RBFOX1: variants seen among roughly 807,000 people sequenced by gnomAD.
The protein encoded by RBFOX1 is RNA binding protein fox-1 homolog 1.
A neutral mutation model predicts 57.7 loss-of-function variants in RBFOX1; 8 were observed. That is an observed-to-expected ratio of 0.14 (90% CI 0.08 to 0.25). The LOEUF is 0.25. Ranked by LOEUF, RBFOX1 falls within the 10% of genes least tolerant of loss-of-function variation. RBFOX1 has a pLI of 1.00. For synonymous variants in RBFOX1, 326 were observed against 222.4 expected, an observed-to-expected ratio of 1.47 and a Z score of -4.15; for missense variants, 611 against 548.5, an observed-to-expected ratio of 1.11 and a Z score of -1.14.
chr16:5,785,100 C>T (rs977010246), intron 3 of RBFOX1, among the ~76,000 whole-genome samples: 1 of 152,144 alleles, frequency 6.6e-6, no homozygotes, highest in Admixed American at 6.5e-5. Flanking sequence ...AGGCATGCAA[C>T]TTTTACCTTC....
chr16:7,296,934 A>T (rs888999087), intron 4 of RBFOX1, among the ~76,000 whole-genome samples: 1 of 152,158 alleles, frequency 6.6e-6, no homozygotes, highest in Non-Finnish European at 1.5e-5. Flanking sequence ...TGTGAGCAGT[A>T]TAGGTATGTG....
At chr16:6,670,422 G>C (rs573863386) in intron 3 of RBFOX1, among the ~76,000 whole-genome samples, 1 of 151,966 alleles carries the variant, frequency 6.6e-6, no homozygotes, top group Non-Finnish European at 1.5e-5. Context: ...CATGTTGATT[G>C]AATTCACCAA....
chr16:7,066,581 A>T (rs1012131493), intron 4 of RBFOX1, among the ~76,000 whole-genome samples: 1 of 152,162 alleles, frequency 6.6e-6, no homozygotes, highest in African/African-American at 2.4e-5. Context: ...TTTAACATCT[A>T]CCTTCTTGAC....
intron 1 of RBFOX1, among the ~76,000 whole-genome samples, chr16:6,070,138 G>A (rs1276961128): frequency 6.6e-6 from 1 of 152,146 alleles, no homozygotes; most frequent in Non-Finnish European, 1.5e-5. Context: ...GATTTGACTA[G>A]TAATAATATG....
chr16:7,451,103 G>T (rs1428791591), intron 4 of RBFOX1, among the ~76,000 whole-genome samples: 1 of 152,176 alleles, frequency 6.6e-6, no homozygotes, highest in Non-Finnish European at 1.5e-5. Context: ...CAGGCTGAGG[G>T]TTAAGGCTCT....
At chr16:6,605,016 T>C (rs893771422) in intron 2 of RBFOX1, among the ~76,000 whole-genome samples, 3 of 152,006 alleles carry the variant, frequency 2.0e-5, no homozygotes, top group African/African-American at 7.2e-5. Context: ...AATGTATTTA[T>C]AGTGTGTGCA....
intron 4 of RBFOX1, among the ~76,000 whole-genome samples, chr16:7,118,887 C>A (rs1395685822): frequency 6.6e-6 from 1 of 152,114 alleles, no homozygotes; most frequent in South Asian, 2.1e-4. Flanking sequence ...TTGCTCAGAT[C>A]TCTTAACTGT....
chr16:7,556,640 G>C (rs2088586782), intron 5 of RBFOX1, among the ~76,000 whole-genome samples: 1 of 152,070 alleles, frequency 6.6e-6, no homozygotes, highest in African/African-American at 2.4e-5. Context: ...GAAAGGCACT[G>C]GTTCAGTTCT....
rs140513304 is a variant in RBFOX1, at chr16:7,041,545, T to A, written c.-15-10512T>A. Among the ~76,000 whole-genome samples, 856 of 152,290 alleles carry A rather than the reference T, an allele frequency of 5.6e-3. 13 individuals are homozygous for A. The highest frequency in any genetic ancestry group is 0.02 in the African/African-American group (814 of 41,560). ...CGCCGTTGCACTCTGGTAAAGTGAT[T>A]CCTAGAATACTAACCATTGAATTAA... On this transcript the variant is annotated intron_variant, in intron 3 of 15. Coordinates refer to ENST00000550418, the MANE Select transcript of RBFOX1 (RefSeq NM_018723.4).
At chr16:6,328,216 G>A (rs1313877103) in intron 2 of RBFOX1, among the ~76,000 whole-genome samples, 1 of 152,140 alleles carries the variant, frequency 6.6e-6, no homozygotes, top group East Asian at 1.9e-4. Flanking sequence ...CTCATAAGTG[G>A]GAGCTAAGCT....
intron 2 of RBFOX1, among the ~76,000 whole-genome samples, chr16:6,410,595 G>C (rs1055264774): frequency 6.6e-6 from 1 of 152,128 alleles, no homozygotes; most frequent in Non-Finnish European, 1.5e-5. Context: ...ACAGGTGTGA[G>C]CCACCGCGCA....
At chr16:7,450,779 C>T (rs993444766) in intron 4 of RBFOX1, among the ~76,000 whole-genome samples, 2 of 151,990 alleles carry the variant, frequency 1.3e-5, no homozygotes, top group Non-Finnish European at 2.9e-5. Context: ...ACCAGTGACC[C>T]CAGTAGACAT....
intron 1 of RBFOX1, among the ~76,000 whole-genome samples, chr16:5,454,665 C>A (rs1386772900): frequency 6.6e-6 from 1 of 152,122 alleles, no homozygotes; most frequent in Non-Finnish European, 1.5e-5. Flanking sequence ...TGGTTATCCA[C>A]CTTGCAGATT....
intron 3 of RBFOX1, among the ~76,000 whole-genome samples, chr16:6,975,234 A>C (rs1342215980): frequency 6.6e-6 from 1 of 151,214 alleles, no homozygotes; most frequent in East Asian, 2.0e-4. Flanking sequence ...AGGCCACCAC[A>C]ATACTCAACC....
chr16:6,924,623 A>G (rs1345928346), intron 3 of RBFOX1, among the ~76,000 whole-genome samples: 2 of 152,086 alleles, frequency 1.3e-5, no homozygotes, highest in South Asian at 2.1e-4. Context: ...ATGAGGTGCA[A>G]GTACCTACCT....
chr16:6,999,041 G>C (rs1341079707), intron 3 of RBFOX1, among the ~76,000 whole-genome samples: 1 of 151,132 alleles, frequency 6.6e-6, no homozygotes, highest in East Asian at 1.9e-4. Context: ...GCTAATTTTT[G>C]TATTATTAGT....
At position 7,454,465 on chromosome 16, in the gene RBFOX1, A is replaced by G. The variant is rs112727026; in HGVS notation, c.28-63682A>G. 3.4e-3 allele frequency among the ~76,000 whole-genome samples: 518 copies of G among 152,306 alleles called. 1 individual carries two copies. The highest frequency in any genetic ancestry group is 0.012 in the African/African-American group (496 of 41,566). The stretch of plus-strand genomic sequence containing the variant: ...CCTGCAGCTCACCCTGTTTTCCATC[A>G]TATGTGTGTTATAGGCTATTATAGA... On this transcript the variant is annotated intron_variant, in intron 4 of 15. Transcript: ENST00000550418.
At chr16:7,217,221 C>A (rs1045233792) in intron 4 of RBFOX1, among the ~76,000 whole-genome samples, 3 of 151,116 alleles carry the variant, frequency 2.0e-5, no homozygotes, top group African/African-American at 7.3e-5. Context: ...TCTCCTCCCA[C>A]AGCAGGAGTA....
At chr16:6,953,374 AT>A (rs60974068) in intron 3 of RBFOX1, among the ~76,000 whole-genome samples, 101,568 of 151,692 alleles carry the variant, frequency 0.67, 34,686 homozygotes, top group African/African-American at 0.81. Context: ...CATATACATG[AT>A]TTTTTTTGTT....
Sources: allele counts gnomAD v4.1 joint callset (sites outside exome capture counted in the v4.1 genomes callset), GRCh38; gene constraint gnomAD v4.1.1; transcripts MANE v1.5; gene names NCBI Gene and HGNC (gene_info 2026-07-23, HGNC 2026-07-21).